The following CPE variants were observed in gnomAD, a reference collection of about 807,000 sequenced individuals.
CPE encodes carboxypeptidase E.
CPE carries 17 observed loss-of-function variants against 53.5 expected under a neutral mutation model. That is an observed-to-expected ratio of 0.32 (90% CI 0.22 to 0.48). The LOEUF (loss-of-function observed/expected upper bound fraction) is 0.48, where lower values mean the gene tolerates loss of function less well. CPE is among the 20% of genes least tolerant of loss of function. CPE has a pLI of 0.99. For synonymous variants in CPE, 226 were observed against 228.8 expected (o/e 0.99, Z 0.11); for missense variants, 524 against 614.7 (o/e 0.85, Z 1.56).
chr4:165,462,387 AG>A (rs1283138674), intron 1 of CPE, among the ~76,000 whole-genome samples: 2 of 152,184 alleles, frequency 1.3e-5, no homozygotes. Context: ...CAGTGTAATT[AG>A]GGGTTGTGGG....
At chr4:165,438,390 G>A (rs142590502) in intron 1 of CPE, among the ~76,000 whole-genome samples, 148 of 152,202 alleles carry the variant, frequency 9.7e-4, no homozygotes, top group African/African-American at 3.4e-3. Flanking sequence ...AGGTATATTT[G>A]GTAGTACAAA....
At chr4:165,432,532 G>A (rs1011819964) in intron 1 of CPE, among the ~76,000 whole-genome samples, 2 of 152,062 alleles carry the variant, frequency 1.3e-5, no homozygotes, top group Admixed American at 1.3e-4. Flanking sequence ...CTGGGCTCAA[G>A]CAATTCTCCT....
intron 4 of CPE, among the ~76,000 whole-genome samples, chr4:165,483,287 A>G (rs1034237697): frequency 1.3e-5 from 2 of 152,198 alleles, no homozygotes; most frequent in African/African-American, 4.8e-5. Flanking sequence ...AATGGCTCCT[A>G]GCTCCATCCA....
chr4:165,479,153 CAT>C (rs575338718), intron 3 of CPE, among the ~76,000 whole-genome samples: 82 of 152,170 alleles, frequency 5.4e-4, no homozygotes, highest in Non-Finnish European at 4.7e-4. Context: ...AAACTCATCT[CAT>C]ATAATATTCA....
At chr4:165,404,794 G>T (rs1730926518) in intron 1 of CPE, 1 of 773,130 alleles carries the variant, frequency 1.3e-6, no homozygotes, top group African/African-American at 1.7e-5. Context: ...TTGAAGCACT[G>T]GTGTCTTTGG....
chr4:165,462,764 G>A (rs928971561), intron 1 of CPE, among the ~76,000 whole-genome samples: 1 of 152,042 alleles, frequency 6.6e-6, no homozygotes, highest in African/African-American at 2.4e-5. Flanking sequence ...TAAAAACTGA[G>A]GGGGGTATAA....
At chr4:165,424,683 G>A (rs191806027) in intron 1 of CPE, among the ~76,000 whole-genome samples, 1,541 of 151,600 alleles carry the variant, frequency 0.01, 21 homozygotes, top group African/African-American at 0.034. Flanking sequence ...ACAGGCGCCC[G>A]CCACCACGCC....
At chr4:165,423,994 C>T (rs17046436) in intron 1 of CPE, among the ~76,000 whole-genome samples, 44,836 of 151,658 alleles carry the variant, frequency 0.3, 6,709 homozygotes, top group Middle Eastern at 0.39. Flanking sequence ...TAAAAAAATC[C>T]CTACTGTCCT....
intron 1 of CPE, among the ~76,000 whole-genome samples, chr4:165,421,624 A>G (rs1456020524): frequency 6.6e-6 from 1 of 151,852 alleles, no homozygotes; most frequent in African/African-American, 2.4e-5. Context: ...ATACCTTTTC[A>G]CCCAGGAAGG....
At chr4:165,381,482 G>A (rs10008608) in intron 1 of CPE, 95 of 349,372 alleles carry the variant, frequency 2.7e-4, no homozygotes, top group African/African-American at 1.8e-3. Context: ...TTCAAAATAC[G>A]TTGATTGAAT....
intron 1 of CPE, among the ~76,000 whole-genome samples, chr4:165,459,100 A>C (rs7669187): frequency 6.6e-6 from 1 of 152,014 alleles, no homozygotes; most frequent in Non-Finnish European, 1.5e-5. Context: ...AAAGAGTAAC[A>C]TTTTATTTTT....
chr4:165,490,275 G>A (rs967932354), intron 6 of CPE, among the ~76,000 whole-genome samples: 4 of 152,146 alleles, frequency 2.6e-5, no homozygotes, highest in Non-Finnish European at 5.9e-5. Context: ...AAGGAGAAGA[G>A]CCTCCCTTCC....
At chr4:165,436,521 AACTCAT>A (rs1435974196) in intron 1 of CPE, among the ~76,000 whole-genome samples, 4 of 152,206 alleles carry the variant, frequency 2.6e-5, no homozygotes, top group Non-Finnish European at 4.4e-5. Flanking sequence ...AAATATTAAA[AACTCAT>A]ACTATTGTAT....
intron 1 of CPE, among the ~76,000 whole-genome samples, chr4:165,441,262 A>G (rs1560883143): frequency 6.6e-6 from 1 of 152,206 alleles, no homozygotes; most frequent in Non-Finnish European, 1.5e-5. Flanking sequence ...CAAATAGCAT[A>G]AAGAAACCCA....
chr4:165,471,384 T>C (rs1732204001), intron 3 of CPE, among the ~76,000 whole-genome samples: 1 of 152,204 alleles, frequency 6.6e-6, no homozygotes, highest in African/African-American at 2.4e-5. Flanking sequence ...TACCAAGTTA[T>C]TAGATTATAG....
Position 165,379,261 on chromosome 4 carries a change from G to C in CPE, c.40G>C (p.Gly14Arg). ...GGGCAGCGCGCTGCTGGCTCTGTGC[G>C]GGGCACTGGCTGCCTGCGGGTGGCT... Reference protein sequence around the residue: ...RGGSALLALCGALAACGWLLG... With the variant: ...RGGSALLALCRALAACGWLLG... The change falls in exon 1 of 9, where the codon GGG (glycine) becomes CGG (arginine). Residue 14 changes from glycine (G) to arginine (R), a missense_variant. Coordinates refer to ENST00000402744, the MANE Select transcript of CPE (RefSeq NM_001873.4). The surrounding 1 kb of genome is among the most constrained non-coding windows in gnomAD (Gnocchi z 6.0). 7.0e-7 allele frequency: 1 copy of C among 1,428,526 alleles called. No homozygotes were observed. The highest frequency in any genetic ancestry group is 9.1e-7 in the Non-Finnish European group (1 of 1,100,922). 88.5% of individuals were successfully genotyped at this position (1,428,526 alleles called of 1,614,324 possible).
intron 1 of CPE, among the ~76,000 whole-genome samples, chr4:165,436,087 G>A (rs1731496644): frequency 6.6e-6 from 1 of 151,920 alleles, no homozygotes; most frequent in Non-Finnish European, 1.5e-5. Flanking sequence ...CTCTGTTCTT[G>A]ACCTTCCTCT....
At chr4:165,384,349 A>G (rs1233535184) in intron 1 of CPE, among the ~76,000 whole-genome samples, 1 of 152,162 alleles carries the variant, frequency 6.6e-6, no homozygotes. Context: ...TTACCATGGG[A>G]TTTCCTCCTC....
intron 1 of CPE, chr4:165,404,898 C>T (rs1252210906): frequency 1.3e-6 from 1 of 761,748 alleles, no homozygotes; most frequent in African/African-American, 1.7e-5. Flanking sequence ...CTTTTGCTGA[C>T]AGCAGCGATT....
Sources: gnomAD v4.1 joint callset for allele counts (sites outside exome capture counted in the v4.1 genomes callset) on GRCh38, gnomAD v4.1.1 for gene constraint, Gnocchi (gnomAD v3.1) non-coding constraint, MANE v1.5 for transcripts, NCBI Gene and HGNC (gene_info 2026-07-23, HGNC 2026-07-21) for gene names.